The following NRXN3 variants were observed in gnomAD, a reference collection of about 807,000 sequenced individuals.
The protein encoded by NRXN3 is neurexin 3.
A neutral mutation model predicts 137.6 loss-of-function variants in NRXN3; 32 were observed. The ratio of observed to expected loss-of-function variants is 0.23; its 90% CI spans 0.18 to 0.31. NRXN3 has a LOEUF of 0.31. Ranked by LOEUF, NRXN3 falls within the 10% of genes least tolerant of loss-of-function variation. The pLI is 1.00. For synonymous variants in NRXN3, 798 were observed against 784.5 expected (o/e 1.02, Z -0.29); for missense variants, 1,574 against 2,062.5 (o/e 0.76, Z 4.59).
chr14:79,132,692 C>T (rs985811721), intron 15 of NRXN3, among the ~76,000 whole-genome samples: 15 of 152,126 alleles, frequency 9.9e-5, no homozygotes, highest in African/African-American at 3.1e-4. Context: ...AAAAGCAAAA[C>T]AAAACAAGAA....
intron 4 of NRXN3, among the ~76,000 whole-genome samples, chr14:78,367,636 C>G (rs2086174315): frequency 6.6e-6 from 1 of 152,150 alleles, no homozygotes; most frequent in African/African-American, 2.4e-5. Flanking sequence ...CCCTTGGAAT[C>G]AAACCTGCCT....
chr14:78,334,216 G>A lies in NRXN3; in HGVS notation c.757+36356G>A, dbSNP rs540748669. The stretch of plus-strand genomic sequence containing the variant: ...AACCAAGAGGAGATATTGAGGAAGC[G>A]GTTGGGTTTGAGCTTACAGTTCAGG... On this transcript the variant is annotated intron_variant, in intron 4 of 20. Transcript: ENST00000335750. Among the ~76,000 whole-genome samples the A allele has an allele frequency of 5.2e-4, 79 of 152,240 alleles. 1 individual carries two copies. In the South Asian group the frequency reaches 0.015, roughly 29 times the overall value.
At chr14:79,141,523 A>T (rs2152997679) in intron 15 of NRXN3, among the ~76,000 whole-genome samples, 1 of 152,330 alleles carries the variant, frequency 6.6e-6, no homozygotes, top group South Asian at 2.1e-4. Flanking sequence ...TTAAAAGAAC[A>T]CTGAGACTAA....
chr14:79,113,379 G>A lies in NRXN3; in HGVS notation c.3262+125238G>A, dbSNP rs1373564345. Among the ~76,000 whole-genome samples the A allele has an allele frequency of 2.0e-5, 3 of 152,140 alleles. No homozygotes were observed. In the South Asian group the frequency reaches 6.2e-4, roughly 32 times the overall value. ...GGAACAAAGGCTAAGTAAAGCAGTG[G>A]CCCATTGCTCAGTCCAACAGCACTC... On this transcript the variant is annotated intron_variant, in intron 15 of 20. Coordinates refer to ENST00000335750, the MANE Select transcript of NRXN3 (RefSeq NM_001330195.2).
intron 1 of NRXN3, among the ~76,000 whole-genome samples, chr14:78,222,969 A>G (rs2064032573): frequency 6.6e-6 from 1 of 152,232 alleles, no homozygotes; most frequent in African/African-American, 2.4e-5. Flanking sequence ...AAGTTAGTAT[A>G]TCCATCTCCA....
intron 20 of NRXN3, among the ~76,000 whole-genome samples, chr14:79,826,853 A>G (rs1056261806): frequency 5.9e-5 from 9 of 152,174 alleles, no homozygotes; most frequent in African/African-American, 2.2e-4. Flanking sequence ...TAAACTTCTT[A>G]AAGTCCTGCC....
At chr14:78,586,376 G>A (rs1566819695) in intron 4 of NRXN3, among the ~76,000 whole-genome samples, 1 of 152,286 alleles carries the variant, frequency 6.6e-6, no homozygotes. Flanking sequence ...GAAAGATGGT[G>A]CCAGGGTTTG....
At chr14:79,440,179 A>G (rs972473900) in intron 15 of NRXN3, among the ~76,000 whole-genome samples, 4 of 152,232 alleles carry the variant, frequency 2.6e-5, no homozygotes, top group Non-Finnish European at 4.4e-5. Context: ...GGCAAGATCA[A>G]ATTAACATGA....
chr14:79,815,710 T>C (rs1364539480), intron 20 of NRXN3, among the ~76,000 whole-genome samples: 6 of 152,192 alleles, frequency 3.9e-5, no homozygotes, highest in Non-Finnish European at 5.9e-5. Context: ...TTTTCCAGTT[T>C]CTGTATGGTG....
chr14:79,575,741 T>C (rs1029245517), intron 16 of NRXN3, among the ~76,000 whole-genome samples: 3 of 152,172 alleles, frequency 2.0e-5, no homozygotes, highest in African/African-American at 4.8e-5. Context: ...TTTGAGTATA[T>C]ATACATATGT....
chr14:78,298,488 C>T (rs922515711), intron 4 of NRXN3, among the ~76,000 whole-genome samples: 4 of 152,220 alleles, frequency 2.6e-5, no homozygotes, highest in African/African-American at 9.7e-5. Context: ...GTAAATTCAG[C>T]ATCTGCAACC....
At chr14:79,280,509 G>T (rs778582581) in intron 15 of NRXN3, 30 of 1,612,902 alleles carry the variant, frequency 1.9e-5, no homozygotes, top group Middle Eastern at 1.6e-4. Context: ...TCTATCTATC[G>T]TTCCCCTGTT....
intron 19 of NRXN3, among the ~76,000 whole-genome samples, chr14:79,754,023 A>G (rs1016321714): frequency 6.6e-6 from 1 of 151,204 alleles, no homozygotes; most frequent in African/African-American, 2.4e-5. Flanking sequence ...AGAGTACTTT[A>G]AAAAAAAAGT....
At chr14:78,979,512 A>G (rs2099483128) in intron 14 of NRXN3, among the ~76,000 whole-genome samples, 1 of 152,036 alleles carries the variant, frequency 6.6e-6, no homozygotes, top group African/African-American at 2.4e-5. Context: ...ACTACTGTTC[A>G]CTCATTTTTT....
intron 16 of NRXN3, among the ~76,000 whole-genome samples, chr14:79,597,275 C>G (rs998000651): frequency 6.6e-5 from 10 of 152,122 alleles, no homozygotes; most frequent in African/African-American, 2.4e-4. Context: ...TACTAAAAGT[C>G]CTTTGCCAAC....
At chr14:78,528,930 C>T (rs1479410898) in intron 4 of NRXN3, among the ~76,000 whole-genome samples, 2 of 152,128 alleles carry the variant, frequency 1.3e-5, no homozygotes, top group African/African-American at 4.8e-5. Flanking sequence ...TCACCCTATT[C>T]CCAGCCCTGT....
intron 6 of NRXN3, among the ~76,000 whole-genome samples, chr14:78,665,490 G>A (rs533392379): frequency 7.2e-5 from 11 of 152,220 alleles, no homozygotes; most frequent in East Asian, 1.9e-4. Context: ...ACCTCCCACC[G>A]GGTTCCTCTC....
At chr14:79,153,012 C>A (rs11625020) in intron 15 of NRXN3, among the ~76,000 whole-genome samples, 1 of 151,698 alleles carries the variant, frequency 6.6e-6, no homozygotes, top group Non-Finnish European at 1.5e-5. Context: ...ATCTAGGGTT[C>A]ACAAAACAAT....
Position 78,713,694 on chromosome 14 carries a change from G to C in NRXN3, c.1661-1062G>C, listed in dbSNP as rs1361416084. On this transcript the variant is annotated intron_variant, in intron 7 of 20. Coordinates refer to ENST00000335750, the MANE Select transcript of NRXN3 (RefSeq NM_001330195.2). ...GAGGCCTCAGGACACTTACAATCAT[G>C]GTGGAAGGAGAAGCAAACACGTCCT... 2.0e-5 allele frequency among the ~76,000 whole-genome samples: 3 copies of C among 152,194 alleles called. No homozygotes were observed. In the East Asian group the frequency reaches 5.8e-4, roughly 29 times the overall value.
Sources: allele counts gnomAD v4.1 joint callset (sites outside exome capture counted in the v4.1 genomes callset), GRCh38; gene constraint gnomAD v4.1.1; transcripts MANE v1.5; gene names NCBI Gene and HGNC (gene_info 2026-07-23, HGNC 2026-07-21).